ENGASE: variants seen among roughly 807,000 people sequenced by gnomAD.
ENGASE encodes the protein endo-beta-N-acetylglucosaminidase, also known as cytosolic endo-beta-N-acetylglucosaminidase.
Under a neutral mutation model 78.5 loss-of-function variants are expected in ENGASE, and 69 were observed. That is an observed-to-expected ratio of 0.88 (90% CI 0.72 to 1.07). The LOEUF (loss-of-function observed/expected upper bound fraction) is 1.07. ENGASE is among the 50% of genes least tolerant of loss of function. ENGASE has a pLI of 0.00. For synonymous variants in ENGASE, 408 were observed against 408.9 expected, an observed-to-expected ratio of 1.00 and a Z score of 0.03; for missense variants, 943 against 988.4, an observed-to-expected ratio of 0.95 and a Z score of 0.62.
chr17:79,080,494 G>A (rs192345334), intron 5 of ENGASE, 130 bp downstream of exon 5: 25 of 1,044,518 alleles, frequency 2.4e-5, no homozygotes, highest in African/African-American at 3.2e-5. Flanking sequence ...GCCACTTCTC[G>A]CCTCCCAGGC....
chr17:79,085,496 C>A, intron 12 of ENGASE, 124 bp from the exon 13 acceptor site: 2 of 1,419,268 alleles, frequency 1.4e-6, no homozygotes, highest in South Asian at 1.3e-5. Flanking sequence ...GCCCTGCTGT[C>A]GGCCTGGGGT....
rs201118926 is a variant in ENGASE, at chr17:79,085,227, T to C, written c.1592-7T>C. 2 of 1,610,012 alleles carry C rather than the reference T, an allele frequency of 1.2e-6. No homozygotes were observed. Among genetic ancestry groups the C allele is most frequent in the Admixed American group, 1.7e-5 (1 of 60,010 alleles). On this transcript the variant is annotated splice_region_variant and splice_polypyrimidine_tract_variant and intron_variant, in intron 11 of 13. Transcript: ENST00000579016. ...TCCTTTTTCAAGTTCCGTGTCTCCTTCTGCAGCAGAAACAAGCTCAAGACA... is the reference window on the plus strand; with the variant it reads ...TCCTTTTTCAAGTTCCGTGTCTCCTCCTGCAGCAGAAACAAGCTCAAGACA...
rs1277318757 is a variant in ENGASE at position 79,086,354 on chromosome 17, A to G, written c.*5A>G. On this transcript the variant is annotated 3_prime_UTR_variant, in exon 14 of 14. Coordinates refer to ENST00000579016, the MANE Select transcript of ENGASE (RefSeq NM_001042573.3). ...CTTTATTCAGCCCCTGCATGAGCGGATGCTAAGGCCGGGTGGTCTCCTGGC... is the reference window on the plus strand; with the variant it reads ...CTTTATTCAGCCCCTGCATGAGCGGGTGCTAAGGCCGGGTGGTCTCCTGGC... 1.2e-6 allele frequency: 2 copies of G among 1,605,752 alleles called. No homozygotes were observed. Among genetic ancestry groups the G allele is most frequent in the South Asian group, 2.2e-5 (2 of 90,730 alleles).
rs1299603925 is a variant in ENGASE at position 79,085,260 on chromosome 17, C to T, written c.1618C>T (p.Arg540Ter). ...AGAAACAAGCTCAAGACACAGCCTCCGACCCCTCCGGGTGCCCCCCACCAA... is the reference window on the plus strand; with the variant it reads ...AGAAACAAGCTCAAGACACAGCCTCTGACCCCTCCGGGTGCCCCCCACCAA... ...NAETSSRHSL[R>*]PLRVPPTKLA... is the part of the protein sequence containing the mutation. Residue 540 changes from arginine (R) to a stop codon, truncating the protein, a stop_gained, in exon 12 of 14, where the codon CGA becomes TGA. Coordinates refer to ENST00000579016, the MANE Select transcript of ENGASE (RefSeq NM_001042573.3). LOFTEE classifies it high-confidence loss of function. The T allele has an allele frequency of 3.7e-6, 6 of 1,613,554 alleles. No homozygotes were observed. Among genetic ancestry groups the T allele is most frequent in the African/African-American group, 1.3e-5 (1 of 75,044 alleles).
At chr17:79,078,355 A>T (rs1030853278) in intron 3 of ENGASE, among the ~76,000 whole-genome samples, 1 of 152,142 alleles carries the variant, frequency 6.6e-6, no homozygotes, top group Non-Finnish European at 1.5e-5. Flanking sequence ...AATAAAAAAT[A>T]AAAAAAGGAA....
intron 3 of ENGASE, 63 bp downstream of exon 3, chr17:79,077,927 GA>G: frequency 1.4e-5 from 17 of 1,179,546 alleles, no homozygotes; most frequent in Admixed American, 2.1e-5. Flanking sequence ...GTGGGGGCTG[GA>G]GGGGCGGGAG....
chr17:79,086,395 C>T lies in ENGASE; in HGVS notation c.*46C>T, dbSNP rs1568096287. On this transcript the variant is annotated 3_prime_UTR_variant, in exon 14 of 14. Coordinates refer to ENST00000579016, the MANE Select transcript of ENGASE (RefSeq NM_001042573.3). ...GTCTCCTGGCCTCGGGCTGAGGCCTCTTCCCGGCTGTCTGCCCCTGGCCTG... is the reference window on the plus strand; with the variant it reads ...GTCTCCTGGCCTCGGGCTGAGGCCTTTTCCCGGCTGTCTGCCCCTGGCCTG... 2 of 1,569,268 alleles carry T rather than the reference C, an allele frequency of 1.3e-6. No homozygotes were observed. Among genetic ancestry groups the T allele is most frequent in the Non-Finnish European group, 1.7e-6 (2 of 1,158,102 alleles).
intron 3 of ENGASE, among the ~76,000 whole-genome samples, 156 bp downstream of exon 3, chr17:79,078,020 G>C (rs868299831): frequency 6.6e-6 from 1 of 152,160 alleles, no homozygotes; most frequent in Non-Finnish European, 1.5e-5. Flanking sequence ...CGAGAAGAAG[G>C]CAGGCCCCAG....
rs748105184 is a variant in ENGASE at position 79,084,641 on chromosome 17, G to GGGGCTGACCACAT, written c.1549_1550insCTGACCACATGGG (p.Asp517AlafsTer79). 5.9e-5 allele frequency: 95 copies of GGGGCTGACCACAT among 1,613,368 alleles called. No individual in the cohort carries two copies. Among genetic ancestry groups the GGGGCTGACCACAT allele is most frequent in the Non-Finnish European group, 7.6e-6 (9 of 1,179,866 alleles). ...CACAGTTGCTTTGGAGCTGACCACA[G>GGGGCTGACCACAT]GGGATGCCGGCAGCTGCCACATCGG... On this transcript the variant is annotated frameshift_variant, in exon 11 of 14. Transcript: ENST00000579016. LOFTEE classifies it high-confidence loss of function.
At chr17:79,078,428 C>T (rs2073022164) in intron 3 of ENGASE, among the ~76,000 whole-genome samples, 1 of 152,228 alleles carries the variant, frequency 6.6e-6, no homozygotes, top group South Asian at 2.1e-4. Context: ...CCTTGAACCT[C>T]CTCAACTTGA....
In ENGASE at chr17:79,080,237, G is replaced by GA. The variant is rs765753726; in HGVS notation, c.598dup (p.Arg200LysfsTer4). 187 of 1,611,222 alleles carry GA rather than the reference G, an allele frequency of 1.2e-4. No homozygotes were observed. The highest frequency in any genetic ancestry group is 1.5e-4 in the Non-Finnish European group (177 of 1,178,210). On this transcript the variant is annotated frameshift_variant, in exon 5 of 14. Coordinates refer to ENST00000579016, the MANE Select transcript of ENGASE (RefSeq NM_001042573.3). LOFTEE classifies it high-confidence loss of function. The stretch of plus-strand genomic sequence containing the variant: ...TTCATCACGGAGTGGAATGAAGGGG[G>GA]AAGGCTCTGTGAAGCCTTCCTGGCC...
At chr17:79,075,241 G>A in intron 1 of ENGASE, 151 bp downstream of exon 1, 2 of 959,066 alleles carry the variant, frequency 2.1e-6, no homozygotes, top group Non-Finnish European at 2.7e-6. Context: ...GGGTGGCAGC[G>A]CCCCTCCGCC....
At position 79,080,367 on chromosome 17, in the gene ENGASE, G is replaced by A. The variant is rs1164319325; in HGVS notation, c.723+3G>A. ...TCAACATCGAGAACTCGCTGAGTGT[G>A]AGTGCCCAGCCCTCACCCACCTCCC... is the stretch of plus-strand genomic sequence containing the variant. On this transcript the variant is annotated splice_donor_region_variant and intron_variant, in intron 5 of 13. Transcript: ENST00000579016. 1.2e-6 allele frequency: 2 copies of A among 1,612,276 alleles called. No homozygotes were observed. The highest frequency in any genetic ancestry group is 2.2e-5 in the East Asian group (1 of 44,870).
intron 7 of ENGASE, chr17:79,082,278 T>C: frequency 6.7e-7 from 1 of 1,499,676 alleles, no homozygotes; most frequent in Non-Finnish European, 8.9e-7. Context: ...TACAATCAGA[T>C]AATGTATTTT....
chr17:79,082,885 T>C, intron 7 of ENGASE, 135 bp from the exon 8 acceptor site: 8 of 1,574,792 alleles, frequency 5.1e-6, no homozygotes, highest in Non-Finnish European at 6.9e-6. Context: ...CAGGTGCATC[T>C]AGGAGGGAGG....
chr17:79,078,998 G>A (rs1326307731), intron 3 of ENGASE, among the ~76,000 whole-genome samples: 3 of 152,210 alleles, frequency 2.0e-5, no homozygotes, highest in Non-Finnish European at 4.4e-5. Context: ...CACTCTGCCT[G>A]TGGCTACAGG....
chr17:79,074,959 G>T lies in ENGASE; in HGVS notation c.15G>T (p.Ala5=). MEAA[A]VTVTRSATRR... is the part of the protein sequence containing the mutation. ...CGGACAGTGTCATGGAGGCCGCGGC[G>T]GTGACGGTCACCCGGTCGGCTACAC... is the stretch of plus-strand genomic sequence containing the variant. Residue 5 remains alanine (A), a synonymous_variant, in exon 1 of 14, where the codon GCG becomes GCT. Transcript: ENST00000579016. The T allele has an allele frequency of 8.0e-7, 1 of 1,255,692 alleles. No homozygotes were observed. The highest frequency in any genetic ancestry group is 1.0e-6 in the Non-Finnish European group (1 of 1,000,976). The allele number at this position is 1,255,692 out of a possible 1,614,324, so 77.8% of individuals were successfully genotyped here.
chr17:79,077,393 T>C (rs2072993155), intron 1 of ENGASE, 37 bp from the exon 2 acceptor site: 2 of 1,584,370 alleles, frequency 1.3e-6, no homozygotes, highest in East Asian at 4.5e-5. Context: ...CCTATTTATG[T>C]TTTTATTTAT....
chr17:79,077,917 G>T lies in ENGASE; in HGVS notation c.416+53G>T. 8 of 1,455,998 alleles carry T rather than the reference G, an allele frequency of 5.5e-6. No individual in the cohort carries two copies. In the South Asian group the frequency reaches 6.0e-5, roughly 11 times the overall value. 90.2% of individuals were successfully genotyped at this position (1,455,998 alleles called of 1,614,324 possible). The stretch of plus-strand genomic sequence containing the variant: ...GCTTACATTGTTCTCCTTTGCTGGG[G>T]TGGGGGCTGGAGGGGCGGGAGAGAG... On this transcript the variant is annotated intron_variant, in intron 3 of 13. Coordinates refer to ENST00000579016, the MANE Select transcript of ENGASE (RefSeq NM_001042573.3).
Sources: allele counts gnomAD v4.1 joint callset (sites outside exome capture counted in the v4.1 genomes callset), GRCh38; gene constraint gnomAD v4.1.1; transcripts MANE v1.5; gene names NCBI Gene and HGNC (gene_info 2026-07-23, HGNC 2026-07-21).